The following PTPRT variants were observed in gnomAD, a reference collection of about 807,000 sequenced individuals.
The protein encoded by PTPRT is receptor-type tyrosine-protein phosphatase T.
Under a neutral mutation model 176.8 loss-of-function variants are expected in PTPRT, and 56 were observed. That is an observed-to-expected ratio of 0.32 (90% CI 0.26 to 0.40). PTPRT has a LOEUF of 0.40. Among genes scored for constraint, PTPRT ranks in the 10% least tolerant of loss-of-function variants. The pLI is 1.00. For missense variants in PTPRT, 1,540 were observed against 1,908.2 expected (o/e 0.81, Z 3.60); for synonymous variants, 783 against 739.0 (o/e 1.06, Z -0.96).
At chr20:42,317,716 C>T (rs564723597) in intron 11 of PTPRT, among the ~76,000 whole-genome samples, 2 of 152,226 alleles carry the variant, frequency 1.3e-5, no homozygotes, top group South Asian at 4.2e-4. Flanking sequence ...GAGAACTGCC[C>T]TAAGAAAATG....
chr20:42,863,665 T>G (rs1295548648), intron 2 of PTPRT, among the ~76,000 whole-genome samples: 1 of 152,210 alleles, frequency 6.6e-6, no homozygotes, highest in East Asian at 1.9e-4. Flanking sequence ...TCATTTCTTC[T>G]TCCTGGGTTT....
At chr20:42,069,962 G>C (rs529303402), downstream of PTPRT, among the ~76,000 whole-genome samples, 1 of 152,268 alleles carries the variant, frequency 6.6e-6, no homozygotes, top group South Asian at 2.1e-4. Flanking sequence ...ATGAGTCCAG[G>C]CTCAGTCCTG....
intron 13 of PTPRT, chr20:42,270,396 C>A: frequency 7.5e-7 from 1 of 1,334,580 alleles, no homozygotes; most frequent in Non-Finnish European, 1.0e-6. Flanking sequence ...CTGGTGATCA[C>A]CTGTGGTGAG....
At chr20:42,939,043 T>C (rs1980383291) in intron 1 of PTPRT, among the ~76,000 whole-genome samples, 2 of 152,184 alleles carry the variant, frequency 1.3e-5, no homozygotes, top group South Asian at 4.1e-4. Flanking sequence ...TTTTATCAAT[T>C]CACTTGCCCC....
At chr20:42,540,362 A>G (rs1415895903) in intron 7 of PTPRT, among the ~76,000 whole-genome samples, 4 of 152,160 alleles carry the variant, frequency 2.6e-5, no homozygotes, top group African/African-American at 9.7e-5. Flanking sequence ...GGAAGCTACT[A>G]AAGAAAGTGC....
chr20:42,705,060 C>T (rs1481852296), intron 6 of PTPRT, among the ~76,000 whole-genome samples: 1 of 151,954 alleles, frequency 6.6e-6, no homozygotes, highest in African/African-American at 2.4e-5. Context: ...ACAAAATCAG[C>T]TGGGCATGGT....
chr20:42,483,513 G>A (rs561322991), intron 7 of PTPRT, among the ~76,000 whole-genome samples: 1 of 152,272 alleles, frequency 6.6e-6, no homozygotes, highest in East Asian at 1.9e-4. Context: ...TTCCGAGAAA[G>A]CTGTCACTCA....
At chr20:42,211,290 A>T (rs7345221) in intron 15 of PTPRT, among the ~76,000 whole-genome samples, 85,244 of 148,640 alleles carry the variant, frequency 0.57, 24,495 homozygotes, top group African/African-American at 0.61. Flanking sequence ...GACAAAATTG[A>T]CAAATGGGAT....
chr20:42,089,734 A>C (rs1236380003), intron 27 of PTPRT, among the ~76,000 whole-genome samples: 2 of 152,194 alleles, frequency 1.3e-5, no homozygotes, highest in African/African-American at 4.8e-5. Flanking sequence ...ATGTGCTGGC[A>C]AATGTGGTGT....
intron 12 of PTPRT, among the ~76,000 whole-genome samples, chr20:42,302,243 C>T (rs892154183): frequency 1.3e-5 from 2 of 152,032 alleles, no homozygotes; most frequent in African/African-American, 4.8e-5. Context: ...ATAGGCAAGA[C>T]AATTTTTTTT....
At chr20:43,041,521 A>G (rs1258221233) in intron 1 of PTPRT, among the ~76,000 whole-genome samples, 1 of 152,200 alleles carries the variant, frequency 6.6e-6, no homozygotes, top group African/African-American at 2.4e-5. Flanking sequence ...AGCAACATTG[A>G]GTTGTAGGAA....
At chr20:42,311,695 C>T (rs980848822) in intron 12 of PTPRT, among the ~76,000 whole-genome samples, 1 of 152,016 alleles carries the variant, frequency 6.6e-6, no homozygotes, top group Non-Finnish European at 1.5e-5. Context: ...TTTTTACCCC[C>T]CCGTCACCCC....
chr20:42,155,827 G>A (rs535817713), intron 17 of PTPRT, among the ~76,000 whole-genome samples: 6 of 152,188 alleles, frequency 3.9e-5, no homozygotes, highest in East Asian at 3.9e-4. Context: ...TGTCCCAGCC[G>A]CCTACCTGCC....
chr20:42,559,880 G>A (rs765072211), intron 7 of PTPRT, among the ~76,000 whole-genome samples: 40 of 152,172 alleles, frequency 2.6e-4, no homozygotes, highest in East Asian at 1.2e-3. Context: ...CATCCAAGCC[G>A]GGTGGGAGGT....
intron 1 of PTPRT, among the ~76,000 whole-genome samples, chr20:43,054,996 A>T (rs1292633498): frequency 6.6e-6 from 1 of 152,226 alleles, no homozygotes; most frequent in Non-Finnish European, 1.5e-5. Context: ...AAAATAATAA[A>T]TAGTGACATT....
intron 1 of PTPRT, among the ~76,000 whole-genome samples, chr20:43,050,009 T>C (rs567780138): frequency 4.5e-4 from 69 of 152,354 alleles, no homozygotes; most frequent in Non-Finnish European, 9.4e-4. Context: ...AGCCAATCCT[T>C]CCAGTGTTTT....
chr20:42,488,621 T>G (rs2071504042), intron 7 of PTPRT, among the ~76,000 whole-genome samples: 1 of 152,176 alleles, frequency 6.6e-6, no homozygotes. Flanking sequence ...GGGTTTTTTT[T>G]GTTCATGATA....
At chr20:43,157,744 G>A (rs1033413568) in intron 1 of PTPRT, among the ~76,000 whole-genome samples, 3 of 152,144 alleles carry the variant, frequency 2.0e-5, no homozygotes, top group Non-Finnish European at 4.4e-5. Context: ...ACTCCAAGGA[G>A]GCAAGGGAGT....
At chr20:42,941,288 T>C (rs1980536058) in intron 1 of PTPRT, among the ~76,000 whole-genome samples, 1 of 152,122 alleles carries the variant, frequency 6.6e-6, no homozygotes, top group Non-Finnish European at 1.5e-5. Context: ...AAGATGGTGA[T>C]TCAAAGGATT....
Sources: gnomAD v4.1 joint callset for allele counts (sites outside exome capture counted in the v4.1 genomes callset) on GRCh38, gnomAD v4.1.1 for gene constraint, MANE v1.5 for transcripts, NCBI Gene and HGNC (gene_info 2026-07-23, HGNC 2026-07-21) for gene names.